CCSER1: variants seen among roughly 807,000 people sequenced by gnomAD.
CCSER1 encodes serine-rich coiled-coil domain-containing protein 1.
In CCSER1, 41 loss-of-function variants were observed where a neutral mutation model predicts 82.0. That is an observed-to-expected ratio of 0.50 (90% CI 0.39 to 0.65). The LOEUF (loss-of-function observed/expected upper bound fraction) is 0.65. Ranked by LOEUF, CCSER1 falls within the 30% of genes least tolerant of loss-of-function variation. CCSER1 has a pLI of 0.00. For synonymous variants in CCSER1, 414 were observed against 383.9 expected, an observed-to-expected ratio of 1.08 and a Z score of -0.92; for missense variants, 1,119 against 1,064.2, an observed-to-expected ratio of 1.05 and a Z score of -0.72.
chr4:91,297,638 G>A (rs1281683716), intron 10 of CCSER1, among the ~76,000 whole-genome samples: 2 of 151,896 alleles, frequency 1.3e-5, no homozygotes, highest in East Asian at 1.9e-4. Context: ...AAAGTTCAAG[G>A]TTAGACTGGA....
intron 8 of CCSER1, among the ~76,000 whole-genome samples, chr4:90,909,009 T>C (rs996525505): frequency 2.0e-5 from 3 of 152,166 alleles, no homozygotes; most frequent in Non-Finnish European, 4.4e-5. Flanking sequence ...AATCAAGATG[T>C]GGGCAGAGCC....
At chr4:90,657,384 T>C (rs192465338) in intron 6 of CCSER1, among the ~76,000 whole-genome samples, 120 of 152,254 alleles carry the variant, frequency 7.9e-4, no homozygotes, top group African/African-American at 2.7e-3. Context: ...TTACATAGAA[T>C]TTTATTTGTT....
chr4:90,307,361 A>C (rs892291173), intron 1 of CCSER1, among the ~76,000 whole-genome samples: 9 of 152,102 alleles, frequency 5.9e-5, no homozygotes, highest in African/African-American at 2.2e-4. Context: ...CTTAGTTTTT[A>C]CTCAAGTATT....
chr4:91,325,361 T>A (rs1178178487), intron 10 of CCSER1: 5 of 344,482 alleles, frequency 1.5e-5, no homozygotes, highest in African/African-American at 1.1e-4. Flanking sequence ...ATCTTACTGT[T>A]CATAAGTATG....
chr4:90,140,908 GC>G (rs1233871609), intron 1 of CCSER1, among the ~76,000 whole-genome samples: 1 of 151,622 alleles, frequency 6.6e-6, no homozygotes, highest in Non-Finnish European at 1.5e-5. Flanking sequence ...CTCGTGATCT[GC>G]CCGCCTCAGC....
Position 91,576,721 on chromosome 4 carries a change from G to A in CCSER1, c.2218-21851G>A, listed in dbSNP as rs191192014. Among the ~76,000 whole-genome samples the A allele has an allele frequency of 6.5e-4, 99 of 152,100 alleles. 2 individuals are homozygous for A. Among genetic ancestry groups the A allele is most frequent in the Admixed American group, 5.6e-3 (86 of 15,242 alleles). ...TTTATACACTTTATACACACAGGCT[G>A]AAGGTAATTTTTAAAAGTATTTTAA... On this transcript the variant is annotated intron_variant, in intron 10 of 10. Coordinates refer to ENST00000509176, the MANE Select transcript of CCSER1 (RefSeq NM_001145065.2).
At chr4:91,597,058 T>C (rs1764615353) in intron 10 of CCSER1, among the ~76,000 whole-genome samples, 2 of 152,038 alleles carry the variant, frequency 1.3e-5, no homozygotes, top group Admixed American at 6.6e-5. Context: ...ATTACAATGT[T>C]TTTCTGCACG....
At chr4:90,243,796 A>G (rs930947313) in intron 1 of CCSER1, among the ~76,000 whole-genome samples, 1 of 152,030 alleles carries the variant, frequency 6.6e-6, no homozygotes, top group Non-Finnish European at 1.5e-5. Context: ...AGCAGGGTGA[A>G]TATATTATAA....
intron 10 of CCSER1, among the ~76,000 whole-genome samples, chr4:91,479,696 T>G (rs979170354): frequency 9.2e-6 from 1 of 109,146 alleles, no homozygotes; most frequent in Non-Finnish European, 2.1e-5. Context: ...TTATTCTTTT[T>G]TTTTTCTTTT....
In CCSER1 at chr4:90,308,515, G is replaced by A. The variant is rs1174505602; in HGVS notation, c.231G>A (p.Glu77=). ...GCTTCCACCATAAGAAGGGGAGTGAGCCTAAGCAAGAGCCTACCAACCAGA... is the reference window on the plus strand; with the variant it reads ...GCTTCCACCATAAGAAGGGGAGTGAACCTAAGCAAGAGCCTACCAACCAGA... ...SISFHHKKGS[E]PKQEPTNQNL... is the part of the protein sequence containing the mutation. The change falls in exon 2 of 11, where the codon GAG becomes GAA. Residue 77 remains glutamate (E), a synonymous_variant. Transcript: ENST00000509176. The A allele has an allele frequency of 1.2e-6, 2 of 1,613,790 alleles. No homozygotes were observed. Among genetic ancestry groups the A allele is most frequent in the East Asian group, 2.2e-5 (1 of 44,886 alleles).
intron 7 of CCSER1, among the ~76,000 whole-genome samples, chr4:90,732,596 A>G (rs1178121144): frequency 2.0e-5 from 3 of 152,174 alleles, no homozygotes; most frequent in South Asian, 2.1e-4. Context: ...CAGTGAGCCA[A>G]TCTTATCATT....
chr4:90,352,121 G>A (rs1341742249), intron 3 of CCSER1, among the ~76,000 whole-genome samples: 1 of 152,034 alleles, frequency 6.6e-6, no homozygotes, highest in Non-Finnish European at 1.5e-5. Flanking sequence ...TCAGGAGATC[G>A]AAACCATCCT....
chr4:90,465,939 T>C (rs757568833), intron 4 of CCSER1, among the ~76,000 whole-genome samples: 2 of 152,050 alleles, frequency 1.3e-5, no homozygotes, highest in Non-Finnish European at 2.9e-5. Flanking sequence ...GAGGACTGAA[T>C]ATACAGTATA....
intron 1 of CCSER1, among the ~76,000 whole-genome samples, chr4:90,212,062 A>G (rs1011955334): frequency 6.6e-6 from 1 of 152,170 alleles, no homozygotes; most frequent in African/African-American, 2.4e-5. Flanking sequence ...AAATTTCAAG[A>G]TGTATCATAA....
chr4:90,723,910 G>T lies in CCSER1; in HGVS notation c.1933-4G>T, dbSNP rs927863330. 2.0e-6 allele frequency: 3 copies of T among 1,510,494 alleles called. No individual in the cohort carries two copies. Among genetic ancestry groups the T allele is most frequent in the Non-Finnish European group, 1.8e-6 (2 of 1,118,098 alleles). The allele number at this position is 1,510,494 out of a possible 1,614,324, so 93.6% of individuals were successfully genotyped here. ...AATTAAATTCAATTTCACTGTCCTTGCAGAGTGCAGACATGAGTCCAGCAA... is the reference window on the plus strand; with the variant it reads ...AATTAAATTCAATTTCACTGTCCTTTCAGAGTGCAGACATGAGTCCAGCAA... On this transcript the variant is annotated splice_region_variant and splice_polypyrimidine_tract_variant and intron_variant, in intron 6 of 10. Transcript: ENST00000509176.
At chr4:90,160,392 G>A (rs1485420525) in intron 1 of CCSER1, among the ~76,000 whole-genome samples, 1 of 152,168 alleles carries the variant, frequency 6.6e-6, no homozygotes, top group Non-Finnish European at 1.5e-5. Context: ...GATGACTACA[G>A]TCAGAATCTG....
intron 6 of CCSER1, among the ~76,000 whole-genome samples, chr4:90,675,151 C>G (rs902428610): frequency 6.6e-6 from 1 of 151,920 alleles, no homozygotes; most frequent in East Asian, 1.9e-4. Context: ...TGCTTTACCT[C>G]ATAAGACTGT....
intron 4 of CCSER1, among the ~76,000 whole-genome samples, chr4:90,460,973 A>G (rs1329583666): frequency 1.3e-5 from 2 of 148,190 alleles, no homozygotes; most frequent in African/African-American, 2.5e-5. Context: ...AGCCCTCACC[A>G]TTTCTCACTT....
At chr4:91,261,516 A>G (rs1481900554) in intron 10 of CCSER1, among the ~76,000 whole-genome samples, 1 of 152,192 alleles carries the variant, frequency 6.6e-6, no homozygotes, top group African/African-American at 2.4e-5. Context: ...TTTACACTTC[A>G]TATCTGCTGT....
Sources: gnomAD v4.1 joint callset for allele counts (sites outside exome capture counted in the v4.1 genomes callset) on GRCh38, gnomAD v4.1.1 for gene constraint, MANE v1.5 for transcripts, NCBI Gene and HGNC (gene_info 2026-07-23, HGNC 2026-07-21) for gene names.